GALNT13: variants seen among roughly 807,000 people sequenced by gnomAD.
GALNT13 encodes the protein polypeptide N-acetylgalactosaminyltransferase 13.
A neutral mutation model predicts 64.2 loss-of-function variants in GALNT13; 28 were observed. The observed-to-expected ratio is 0.44, with a 90% CI of 0.32 to 0.60. The LOEUF is 0.60. Among genes scored for constraint, GALNT13 ranks in the 20% least tolerant of loss-of-function variants. GALNT13 has a pLI of 0.05. For missense variants in GALNT13, 577 were observed against 669.8 expected (o/e 0.86, Z 1.53); for synonymous variants, 214 against 224.6 (o/e 0.95, Z 0.42).
chr2:153,110,229 C>T, the GALNT13 span, among the ~76,000 whole-genome samples: 1 of 152,090 alleles, frequency 6.6e-6, no homozygotes, highest in Admixed American at 6.6e-5. Context: ...ATGTAGCCCT[C>T]CACTTCCTGT....
intron 4 of GALNT13, among the ~76,000 whole-genome samples, chr2:154,182,295 A>C (rs1369802143): frequency 6.6e-6 from 1 of 152,202 alleles, no homozygotes; most frequent in South Asian, 2.1e-4. Context: ...TCTTCAATGC[A>C]TTTCCAGTTG....
At chr2:153,133,072 G>T in the GALNT13 span, among the ~76,000 whole-genome samples, 1 of 149,078 alleles carries the variant, frequency 6.7e-6, no homozygotes, top group East Asian at 2.0e-4. Flanking sequence ...TGAAACGAGA[G>T]CGTGTTAAGG....
chr2:153,793,810 C>A, the GALNT13 span, among the ~76,000 whole-genome samples: 15 of 152,258 alleles, frequency 9.9e-5, no homozygotes, highest in East Asian at 2.9e-3. Flanking sequence ...CACAATATTT[C>A]ATTTTTCTCT....
At chr2:153,249,687 C>A in the GALNT13 span, among the ~76,000 whole-genome samples, 1 of 152,002 alleles carries the variant, frequency 6.6e-6, no homozygotes, top group East Asian at 1.9e-4. Context: ...ATATATAGAC[C>A]AATGGAACAG....
chr2:153,725,037 C>G, the GALNT13 span, among the ~76,000 whole-genome samples: 1 of 150,440 alleles, frequency 6.6e-6, no homozygotes, highest in Non-Finnish European at 1.5e-5. Context: ...TTCACAATAG[C>G]AAAGACTTGG....
intron 11 of GALNT13, among the ~76,000 whole-genome samples, chr2:154,411,128 A>T (rs1699773035): frequency 6.6e-6 from 1 of 151,852 alleles, no homozygotes; most frequent in South Asian, 2.1e-4. Context: ...GCCAAGAAAT[A>T]ATGAGCTGTT....
Position 153,961,871 on chromosome 2 carries a change from C to T in GALNT13, c.142+17232C>T, listed in dbSNP as rs78438286. Among the ~76,000 whole-genome samples the T allele has an allele frequency of 4.2e-3, 635 of 152,300 alleles. 1 individual carries two copies. The highest frequency in any genetic ancestry group is 7.2e-3 in the Non-Finnish European group (491 of 68,006). On this transcript the variant is annotated intron_variant, in intron 3 of 12. Transcript: ENST00000392825. Reference sequence around the variant, plus strand: ...AAAGGGCCATGTTGTACAGAGACAACTGGCTATAATAGAATTTTGTCCACT... The same window carrying T: ...AAAGGGCCATGTTGTACAGAGACAATTGGCTATAATAGAATTTTGTCCACT...
At chr2:153,204,429 G>A in the GALNT13 span, among the ~76,000 whole-genome samples, 2 of 152,166 alleles carry the variant, frequency 1.3e-5, no homozygotes, top group Non-Finnish European at 2.9e-5. Flanking sequence ...GCGCATTTGG[G>A]AACTCATTCC....
intron 4 of GALNT13, among the ~76,000 whole-genome samples, chr2:154,203,315 CTT>C (rs919864340): frequency 3.9e-5 from 6 of 152,044 alleles, no homozygotes; most frequent in African/African-American, 1.4e-4. Flanking sequence ...TGATTAATAA[CTT>C]ATTAATATTC....
the GALNT13 span, chr2:153,478,509 G>A: frequency 5.0e-6 from 8 of 1,609,310 alleles, no homozygotes; most frequent in Non-Finnish European, 6.8e-6. Context: ...GCGCCTCGCT[G>A]CTGTTGGCCA....
intron 3 of GALNT13, among the ~76,000 whole-genome samples, chr2:154,007,685 A>G (rs527692236): frequency 1.3e-5 from 2 of 151,944 alleles, no homozygotes; most frequent in African/African-American, 2.4e-5. Context: ...TAAAGAGGCG[A>G]TGGTTGGGAG....
the GALNT13 span, among the ~76,000 whole-genome samples, chr2:153,208,636 A>G: frequency 6.6e-6 from 1 of 152,186 alleles, no homozygotes; most frequent in South Asian, 2.1e-4. Flanking sequence ...TTGTGTAGGC[A>G]TTCATTTTCA....
At chr2:153,511,102 G>A in the GALNT13 span, among the ~76,000 whole-genome samples, 1 of 152,176 alleles carries the variant, frequency 6.6e-6, no homozygotes, top group South Asian at 2.1e-4. Context: ...GGAGGAAGAG[G>A]ATGTGGAGTT....
At position 154,242,788 on chromosome 2, in the gene GALNT13, G is replaced by A. The variant is rs778401789; in HGVS notation, c.569G>A (p.Arg190His). 8.7e-6 allele frequency: 14 copies of A among 1,613,774 alleles called. No homozygotes were observed. Among genetic ancestry groups the A allele is most frequent in the Admixed American group, 5.0e-5 (3 of 59,994 alleles). Residue 190 changes from arginine to histidine, a missense_variant, in exon 6 of 13, where the codon CGT (arginine) becomes CAT (histidine). Transcript: ENST00000392825. ...ATGGAAGAACGCTCTGGGTTAATACGTGCCCGTCTTCGAGGAGCAGCTGCT... is the reference window on the plus strand; with the variant it reads ...ATGGAAGAACGCTCTGGGTTAATACATGCCCGTCTTCGAGGAGCAGCTGCT... ...IRMEERSGLI[R>H]ARLRGAAASK...
the GALNT13 span, among the ~76,000 whole-genome samples, chr2:153,186,430 A>G: frequency 1.8e-3 from 270 of 152,044 alleles, 4 homozygotes; most frequent in African/African-American, 6.4e-3. Flanking sequence ...CTGTCTTTTA[A>G]TTGGGGCATT....
chr2:153,863,945 T>C, the GALNT13 span, among the ~76,000 whole-genome samples: 1 of 152,186 alleles, frequency 6.6e-6, no homozygotes, highest in Non-Finnish European at 1.5e-5. Flanking sequence ...TTTTACTTCA[T>C]ATCTGCCTTT....
the GALNT13 span, among the ~76,000 whole-genome samples, chr2:153,392,886 T>C: frequency 6.6e-6 from 1 of 151,970 alleles, no homozygotes; most frequent in African/African-American, 2.4e-5. Flanking sequence ...CTAAATGGGA[T>C]TAGTGCCCTT....
chr2:153,201,932 C>G, the GALNT13 span, among the ~76,000 whole-genome samples: 5 of 151,108 alleles, frequency 3.3e-5, no homozygotes, highest in African/African-American at 7.3e-5. Flanking sequence ...GAACAAGCCA[C>G]TATTAATATT....
chr2:153,107,705 A>G, the GALNT13 span, among the ~76,000 whole-genome samples: 1 of 152,266 alleles, frequency 6.6e-6, no homozygotes, highest in East Asian at 1.9e-4. Flanking sequence ...TACTGTCATA[A>G]CTTAGTTTTG....
Sources: allele counts gnomAD v4.1 joint callset (sites outside exome capture counted in the v4.1 genomes callset), GRCh38; gene constraint gnomAD v4.1.1; transcripts MANE v1.5; gene names NCBI Gene and HGNC (gene_info 2026-07-23, HGNC 2026-07-21).